KAZN: variants seen among roughly 807,000 people sequenced by gnomAD.
KAZN encodes the protein kazrin.
Under a neutral mutation model 87.4 loss-of-function variants are expected in KAZN, and 40 were observed. The ratio of observed to expected loss-of-function variants is 0.46; its 90% CI spans 0.36 to 0.60. The LOEUF (loss-of-function observed/expected upper bound fraction) is 0.60, where lower values mean the gene tolerates loss of function less well. Ranked by LOEUF, KAZN falls within the 20% of genes least tolerant of loss-of-function variation. KAZN has a pLI of 0.00. For missense variants in KAZN, 898 were observed against 1,073.9 expected (o/e 0.84, Z 2.29); for synonymous variants, 466 against 458.3 (o/e 1.02, Z -0.22).
chr1:15,050,055 G>T, intron 4 of KAZN, among the ~76,000 whole-genome samples: 1 of 77,010 alleles, frequency 1.3e-5, no homozygotes, highest in Non-Finnish European at 2.4e-5. Context: ...GTAGGGTAGG[G>T]TAGGGTAGGG....
At chr1:14,747,559 C>T (rs988004890) in intron 1 of KAZN, among the ~76,000 whole-genome samples, 60 of 152,232 alleles carry the variant, frequency 3.9e-4, no homozygotes, top group Admixed American at 1.4e-3. Context: ...GGATTATAGG[C>T]GCAAGCCACT....
At chr1:14,825,330 A>G in intron 1 of KAZN, among the ~76,000 whole-genome samples, 1 of 152,258 alleles carries the variant, frequency 6.6e-6, no homozygotes, top group Non-Finnish European at 1.5e-5. Flanking sequence ...CATCTGTCCT[A>G]GAAAATGCCA....
chr1:13,911,159 CT>C (rs1455692358), intron 1 of KAZN, among the ~76,000 whole-genome samples: 1 of 152,214 alleles, frequency 6.6e-6, no homozygotes, highest in African/African-American at 2.4e-5. Context: ...AGCAATTCTT[CT>C]GCCTCAGCCT....
At chr1:14,174,510 T>A (rs1194214429) in intron 1 of KAZN, among the ~76,000 whole-genome samples, 1 of 152,176 alleles carries the variant, frequency 6.6e-6, no homozygotes, top group Non-Finnish European at 1.5e-5. Context: ...AGGCTCTAAA[T>A]GGCTAAACAT....
intron 1 of KAZN, among the ~76,000 whole-genome samples, chr1:13,922,257 C>T (rs781764403): frequency 7.2e-5 from 11 of 152,094 alleles, no homozygotes; most frequent in Admixed American, 5.9e-4. Context: ...TGTATTTTTC[C>T]AGTAAAGTTC....
chr1:14,582,452 C>T (rs1349431491), intron 2 of KAZN, among the ~76,000 whole-genome samples: 2 of 152,174 alleles, frequency 1.3e-5, no homozygotes, highest in African/African-American at 4.8e-5. Flanking sequence ...AGCTTGAAAA[C>T]CTGGGAATTT....
intron 1 of KAZN, among the ~76,000 whole-genome samples, chr1:14,113,656 C>T (rs1282689643): frequency 6.6e-6 from 1 of 152,224 alleles, no homozygotes; most frequent in Non-Finnish European, 1.5e-5. Flanking sequence ...TCTGGACAAG[C>T]ACCCAAGTGT....
chr1:14,312,509 T>C (rs12039646), intron 2 of KAZN, among the ~76,000 whole-genome samples: 3,007 of 152,256 alleles, frequency 0.02, 52 homozygotes, highest in East Asian at 0.094. Context: ...CTCTCTCACC[T>C]GGTAGGAGAA....
At chr1:14,527,459 G>C (rs553095435) in intron 2 of KAZN, among the ~76,000 whole-genome samples, 1 of 149,632 alleles carries the variant, frequency 6.7e-6, no homozygotes, top group Admixed American at 6.7e-5. Flanking sequence ...TGAGGCAGGA[G>C]AATCACTTGA....
chr1:14,414,345 A>G (rs1306170841), intron 2 of KAZN, among the ~76,000 whole-genome samples: 3 of 45,890 alleles, frequency 6.5e-5, no homozygotes, highest in Non-Finnish European at 1.5e-4. Flanking sequence ...TTGTCATAGG[A>G]AAAAAAAAAA....
chr1:15,110,042 TA>T (rs1425426126), intron 13 of KAZN, among the ~76,000 whole-genome samples: 2 of 826 alleles, frequency 2.4e-3, no homozygotes, highest in Non-Finnish European at 4.6e-3. Context: ...TGTATGTGTG[TA>T]TATATATATG....
chr1:15,069,359 A>G (rs1573245659), intron 8 of KAZN, among the ~76,000 whole-genome samples: 1 of 152,218 alleles, frequency 6.6e-6, no homozygotes, highest in South Asian at 2.1e-4. Context: ...TGCGGGACAT[A>G]TGGCAAAAAC....
chr1:14,357,276 T>G (rs1226287686), intron 2 of KAZN, among the ~76,000 whole-genome samples: 1 of 152,216 alleles, frequency 6.6e-6, no homozygotes, highest in Admixed American at 6.5e-5. Flanking sequence ...TGATTTTGTA[T>G]CCTGAGACTT....
intron 1 of KAZN, among the ~76,000 whole-genome samples, chr1:14,630,809 G>A (rs886263177): frequency 1.3e-5 from 2 of 152,128 alleles, no homozygotes; most frequent in African/African-American, 4.8e-5. Flanking sequence ...CTGTGTGACT[G>A]TGGGGAAGAC....
At chr1:15,071,236 T>A (rs995856388) in intron 8 of KAZN, among the ~76,000 whole-genome samples, 1 of 152,056 alleles carries the variant, frequency 6.6e-6, no homozygotes, top group Non-Finnish European at 1.5e-5. Context: ...GATATGGATA[T>A]TTCTCTTTTT....
At chr1:14,271,183 G>A (rs1166031356) in intron 2 of KAZN, among the ~76,000 whole-genome samples, 1 of 152,072 alleles carries the variant, frequency 6.6e-6, no homozygotes, top group African/African-American at 2.4e-5. Context: ...CCTCTTATGA[G>A]GACACCAGCC....
At chr1:15,067,250 CATCAGCCACACTT>C in intron 8 of KAZN, 1 of 985,538 alleles carries the variant, frequency 1.0e-6, no homozygotes, top group African/African-American at 1.7e-5. Flanking sequence ...TGGTTGGTTC[CATCAGCCACACTT>C]AGAATCTCCC....
At chr1:14,221,362 C>T (rs1557571701) in intron 2 of KAZN, among the ~76,000 whole-genome samples, 1 of 152,122 alleles carries the variant, frequency 6.6e-6, no homozygotes, top group Non-Finnish European at 1.5e-5. Flanking sequence ...CTTCTGTTAA[C>T]ATTATACAGG....
chr1:14,348,871 T>C (rs982996941), intron 2 of KAZN: 1 of 152,232 alleles, frequency 6.6e-6, no homozygotes, highest in African/African-American at 2.4e-5. Flanking sequence ...CTACCTGATG[T>C]GTTCAGATCC....
Sources: gnomAD v4.1 joint callset for allele counts (sites outside exome capture counted in the v4.1 genomes callset) on GRCh38, gnomAD v4.1.1 for gene constraint, MANE v1.5 for transcripts, NCBI Gene and HGNC (gene_info 2026-07-23, HGNC 2026-07-21) for gene names.